CUL9: variants seen among roughly 807,000 people sequenced by gnomAD.
CUL9 encodes the protein cullin 9.
In CUL9, 79 loss-of-function variants were observed where a neutral mutation model predicts 272.6. The observed-to-expected ratio is 0.29, with a 90% CI of 0.24 to 0.35. The LOEUF (loss-of-function observed/expected upper bound fraction) is 0.35. Ranked by LOEUF, CUL9 falls within the 10% of genes least tolerant of loss-of-function variation. CUL9 has a pLI of 1.00. For synonymous variants in CUL9, 1,186 were observed against 1,286.5 expected (o/e 0.92, Z 1.67); for missense variants, 2,532 against 3,255.6 (o/e 0.78, Z 5.41).
At chr6:43,209,736 C>T (rs531408539) in intron 26 of CUL9, among the ~76,000 whole-genome samples, 39 of 152,222 alleles carry the variant, frequency 2.6e-4, no homozygotes, top group Admixed American at 1.0e-3. Context: ...ACCTCTGCCT[C>T]CTGGGTTCAA....
rs1276916226 is a variant in CUL9, at chr6:43,223,087, C to G, written c.7151-177C>G. On this transcript the variant is annotated intron_variant, in intron 38 of 40. Transcript: ENST00000252050. This position sits in a 1 kb window ranked among gnomAD's most constrained non-coding sequence, Gnocchi z 4.1. ...GCCTACATTGTAAGGTGCCCAAGGG[C>G]GCAGATGTTCGTGGATGTTTCTTGG... The G allele has an allele frequency of 1.0e-6, 1 of 997,044 alleles. No individual in the cohort carries two copies. The highest frequency in any genetic ancestry group is 1.5e-6 in the Non-Finnish European group (1 of 684,482). The allele number at this position is 997,044 out of a possible 1,614,324, so 61.8% of individuals were successfully genotyped here.
rs917692510 is a variant in CUL9, at chr6:43,193,191, C to T, written c.2371C>T (p.Gln791Ter). The T allele has an allele frequency of 6.2e-7, 1 of 1,614,068 alleles. No homozygotes were observed. Among genetic ancestry groups the T allele is most frequent in the African/African-American group, 1.3e-5 (1 of 75,048 alleles). The change falls in exon 9 of 41, where the codon CAG (glutamine) becomes TAG (stop). Residue 791 changes from glutamine (Q) to a stop codon, truncating the protein, a stop_gained. Coordinates refer to ENST00000252050, the MANE Select transcript of CUL9 (RefSeq NM_015089.4). LOFTEE classifies it high-confidence loss of function. Reference protein sequence around the residue: ...MQEYKTSVLVQQAGLAALKML... With the variant: ...MQEYKTSVLV Reference sequence around the variant, plus strand: ...AGAATATAAGACTTCTGTCTTGGTGCAGCAGGCTGGGCTGGCGGTGAGTAC... The same window carrying T: ...AGAATATAAGACTTCTGTCTTGGTGTAGCAGGCTGGGCTGGCGGTGAGTAC...
Position 43,220,836 on chromosome 6 carries a change from C to G in CUL9, c.6513C>G (p.Cys2171Trp). 6.2e-7 allele frequency: 1 copy of G among 1,613,672 alleles called. No homozygotes were observed. The highest frequency in any genetic ancestry group is 8.5e-7 in the Non-Finnish European group (1 of 1,179,976). The change falls in exon 33 of 41, where the codon TGC (cysteine) becomes TGG (tryptophan). Residue 2171 changes from cysteine to tryptophan, a missense_variant. Physicochemically the swap from Cys to Trp is radical, Grantham distance 215. Around this residue, in one of 3 missense-constraint regions of CUL9, gnomAD observed 77 missense variants for 161.1 expected, o/e 0.48. Coordinates refer to ENST00000252050, the MANE Select transcript of CUL9 (RefSeq NM_015089.4). This position sits in a 1 kb window ranked among gnomAD's most constrained non-coding sequence, Gnocchi z 4.9. The stretch of plus-strand genomic sequence containing the variant: ...CCCAGGGCTGCGACCGCATCCTGTG[C>G]CGCCAGGGCCTGGGCTGTGGGACCA... The part of the protein sequence containing the change: ...TNPQGCDRIL[C>W]RQGLGCGTTC...
In CUL9 at chr6:43,213,578, G is replaced by A; in HGVS notation, c.5488+11G>A. On this transcript the variant is annotated intron_variant, in intron 28 of 40. Transcript: ENST00000252050. This position sits in a 1 kb window ranked among gnomAD's most constrained non-coding sequence, Gnocchi z 5.7. ...ACTTTCCACACGGGGGTAGGTCATT[G>A]GGGGCCGGGCTGAGCCTCTGCTGCT... 6.2e-7 allele frequency: 1 copy of A among 1,608,822 alleles called. No homozygotes were observed. The highest frequency in any genetic ancestry group is 8.5e-7 in the Non-Finnish European group (1 of 1,177,896).
chr6:43,186,311 C>T lies in CUL9; in HGVS notation c.1107C>T (p.Phe369=). The T allele has an allele frequency of 1.2e-6, 2 of 1,614,240 alleles. No homozygotes were observed. The highest frequency in any genetic ancestry group is 2.2e-5 in the South Asian group (2 of 91,092). ...GGGTCTTCCGCCAGCGCTCTGAATT[C>T]TCCAGCCGTAGTGGCTATGGAGAAT... is the stretch of plus-strand genomic sequence containing the variant. ...QGWVFRQRSE[F]SSRSGYGEYV... is the part of the protein sequence containing the mutation. Residue 369 remains phenylalanine (F), a synonymous_variant, in exon 4 of 41, where the codon TTC becomes TTT. Transcript: ENST00000252050.
At position 43,204,870 on chromosome 6, in the gene CUL9, A is replaced by C; in HGVS notation, c.4449+13A>C. On this transcript the variant is annotated intron_variant, in intron 22 of 40. Transcript: ENST00000252050. Reference sequence around the variant, plus strand: ...GGTGCAGGAGCAGGTGGGCAGAAGCAAGCAGAAGTCTGCAGAGGGGAGGGG... The same window carrying C: ...GGTGCAGGAGCAGGTGGGCAGAAGCCAGCAGAAGTCTGCAGAGGGGAGGGG... 6.2e-7 allele frequency: 1 copy of C among 1,613,966 alleles called. No homozygotes were observed.
intron 31 of CUL9, among the ~76,000 whole-genome samples, chr6:43,217,999 GTGAAGTAA>G (rs1373454292): frequency 6.6e-6 from 1 of 152,120 alleles, no homozygotes; most frequent in Non-Finnish European, 1.5e-5. Context: ...ACACTCAGAG[GTGAAGTAA>G]TTTGCCAAAG....
intron 9 of CUL9, among the ~76,000 whole-genome samples, chr6:43,195,034 G>A (rs12201714): frequency 0.023 from 3,481 of 152,214 alleles, 91 homozygotes; most frequent in Middle Eastern, 0.11. Context: ...CAGCCTGGGC[G>A]ACAGAGTGAG....
At position 43,223,238 on chromosome 6, in the gene CUL9, A is replaced by G. The variant is rs1168917456; in HGVS notation, c.7151-26A>G. 1 of 1,575,174 alleles carries G rather than the reference A, an allele frequency of 6.3e-7. No homozygotes were observed. Among genetic ancestry groups the G allele is most frequent in the African/African-American group, 1.3e-5 (1 of 74,282 alleles). ...AATGGATGAGAATGAGAAGGGAGGG[A>G]GCCTCTGTGCCTGCCCCCTCTGCAG... On this transcript the variant is annotated intron_variant, in intron 38 of 40. Transcript: ENST00000252050. This position sits in a 1 kb window ranked among gnomAD's most constrained non-coding sequence, Gnocchi z 4.1.
intron 11 of CUL9, among the ~76,000 whole-genome samples, chr6:43,197,633 A>ACCTG: frequency 6.7e-6 from 1 of 149,998 alleles, no homozygotes; most frequent in African/African-American, 2.5e-5. Context: ...ACAGGTGCGC[A>ACCTG]CCACCACACC....
chr6:43,207,787 G>A (rs1360557900), intron 26 of CUL9, among the ~76,000 whole-genome samples: 2 of 152,082 alleles, frequency 1.3e-5, no homozygotes, highest in African/African-American at 4.8e-5. Context: ...TTATGGCCTG[G>A]TAGATGGTCA....
rs757799766 is a variant in CUL9 at position 43,204,001 on chromosome 6, C to T, written c.4159+14C>T. 8.8e-6 allele frequency: 14 copies of T among 1,582,808 alleles called. No individual in the cohort carries two copies. In the African/African-American group the frequency reaches 1.4e-4, roughly 15 times the overall value. ...TCACCTCTCCCGGTAACCATGCTGA[C>T]ACCTGGCCCCACTAACCAGTTCCTT... On this transcript the variant is annotated intron_variant, in intron 20 of 40. Transcript: ENST00000252050.
chr6:43,187,613 AG>A (rs1205446145), intron 6 of CUL9, 99 bp from the exon 7 acceptor site: 44 of 1,390,730 alleles, frequency 3.2e-5, no homozygotes, highest in Non-Finnish European at 4.3e-5. Context: ...AGTATGTAGA[AG>A]GTGTGGGGGC....
At chr6:43,194,255 G>A (rs1773791453) in intron 9 of CUL9, among the ~76,000 whole-genome samples, 1 of 152,154 alleles carries the variant, frequency 6.6e-6, no homozygotes, top group Non-Finnish European at 1.5e-5. Context: ...GCTGTCCCGG[G>A]AGAGGCCAGG....
rs1217899681 is a variant in CUL9, at chr6:43,187,279, G to A, written c.1421G>A (p.Gly474Glu). Residue 474 changes from glycine to glutamate, a missense_variant, in exon 6 of 41, where the codon GGG becomes GAG. By Grantham distance (98) the Gly-to-Glu change is moderately conservative (BLOSUM62 -2). Around this residue, in one of 3 missense-constraint regions of CUL9, gnomAD observed 2,218 missense variants for 2,788.6 expected, o/e 0.80. Transcript: ENST00000252050. Reference protein sequence around the residue: ...FPSWDWNPMDGLYPLPYLQPE... With the variant: ...FPSWDWNPMDELYPLPYLQPE... ...TCCTGGGACTGGAATCCTATGGATG[G>A]GCTGTACCCTTTGCCGTACCTCCAG... The A allele has an allele frequency of 6.2e-7, 1 of 1,613,844 alleles. No individual in the cohort carries two copies. Among genetic ancestry groups the A allele is most frequent in the African/African-American group, 1.3e-5 (1 of 74,870 alleles).
rs759503050 is a variant in CUL9 at position 43,204,471 on chromosome 6, G to A, written c.4271G>A (p.Arg1424His). The A allele has an allele frequency of 1.6e-5, 26 of 1,614,086 alleles. 2 individuals are homozygous for A. In the South Asian group the frequency reaches 2.6e-4, roughly 16 times the overall value. ...GCGTCCTTTGCTTCTCGAGTTCGTC[G>A]CCTTTGCCACTTGCTGGTGCATGTG... ...RAASFASRVR[R>H]LCHLLVHVEP... is the part of the protein sequence containing the mutation. Residue 1424 changes from arginine (R) to histidine (H), a missense_variant, in exon 21 of 41, where the codon CGC (arginine) becomes CAC (histidine). Physicochemically the swap from Arg to His is conservative, Grantham distance 29. Transcript: ENST00000252050.
Position 43,194,793 on chromosome 6 carries a change from C to T in CUL9, c.2389-1276C>T, listed in dbSNP as rs553028486. Reference sequence around the variant, plus strand: ...AAAAATGGCTGAGTGTGGTGGCTCACGCCTGTAATCCCAGCACTTTGGGAG... The same window carrying T: ...AAAAATGGCTGAGTGTGGTGGCTCATGCCTGTAATCCCAGCACTTTGGGAG... On this transcript the variant is annotated intron_variant, in intron 9 of 40. Transcript: ENST00000252050. Among the ~76,000 whole-genome samples, 353 of 152,224 alleles carry T rather than the reference C, an allele frequency of 2.3e-3. 1 individual carries two copies. The highest frequency in any genetic ancestry group is 3.4e-3 in the Admixed American group (52 of 15,288).
In CUL9 at chr6:43,183,573, T is replaced by G. The variant is rs375071182; in HGVS notation, c.-9-729T>G. Among the ~76,000 whole-genome samples, 114 of 152,318 alleles carry G rather than the reference T, an allele frequency of 7.5e-4. 3 individuals are homozygous for G. In the South Asian group the frequency reaches 0.023, roughly 31 times the overall value. Reference sequence around the variant, plus strand: ...TTCCTGTCCACCCATGTCATTCTTCTAAGTCCTAATCTGTAACCCTCAGCC... The same window carrying G: ...TTCCTGTCCACCCATGTCATTCTTCGAAGTCCTAATCTGTAACCCTCAGCC... On this transcript the variant is annotated intron_variant, in intron 1 of 40. Transcript: ENST00000252050.
rs1260176388 is a variant in CUL9, at chr6:43,184,632, G to A, written c.322G>A (p.Asp108Asn). 5 of 1,612,112 alleles carry A rather than the reference G, an allele frequency of 3.1e-6. No homozygotes were observed. Among genetic ancestry groups the A allele is most frequent in the Non-Finnish European group, 2.5e-6 (3 of 1,178,302 alleles). ...CTTTCCTCGAGATCCAGGAGGCCTG[G>A]ATGAAGTGGCAATGGGAGAGATGGA... ...GSFPRDPGGL[D>N]EVAMGEMEAD... is the part of the protein sequence containing the mutation. Residue 108 changes from aspartate to asparagine, a missense_variant, in exon 2 of 41, where the codon GAT becomes AAT. Transcript: ENST00000252050. This position sits in a 1 kb window ranked among gnomAD's most constrained non-coding sequence, Gnocchi z 4.8.
Sources: allele counts gnomAD v4.1 joint callset (sites outside exome capture counted in the v4.1 genomes callset), GRCh38; gene constraint gnomAD v4.1.1; regional missense constraint gnomAD v4.1.1; non-coding constraint Gnocchi (gnomAD v3.1); transcripts MANE v1.5; gene names NCBI Gene and HGNC (gene_info 2026-07-23, HGNC 2026-07-21).